Variants in KMT5B observed in about 807,000 individuals in gnomAD.
KMT5B encodes the protein histone-lysine N-methyltransferase KMT5B.
In KMT5B, 10 loss-of-function variants were observed where a neutral mutation model predicts 83.2. The ratio of observed to expected loss-of-function variants is 0.12; its 90% CI spans 0.07 to 0.20. The LOEUF is 0.20. KMT5B is among the 10% of genes least tolerant of loss of function. KMT5B has a pLI of 1.00. For synonymous variants in KMT5B, 349 were observed against 388.8 expected (o/e 0.90, Z 1.20); for missense variants, 753 against 1,067.2 (o/e 0.71, Z 4.10).
intron 6 of KMT5B, among the ~76,000 whole-genome samples, chr11:68,172,390 T>C (rs1278320287): frequency 1.3e-5 from 2 of 149,124 alleles, no homozygotes; most frequent in Non-Finnish European, 3.0e-5. Context: ...CCACCACACC[T>C]AGCTCATTTT....
At chr11:68,164,263 T>A (rs1309052354) in intron 10 of KMT5B, among the ~76,000 whole-genome samples, 1 of 152,230 alleles carries the variant, frequency 6.6e-6, no homozygotes, top group East Asian at 1.9e-4. Flanking sequence ...AACATTTTTT[T>A]ATACATGTGT....
chr11:68,193,129 G>C (rs1040756412), intron 1 of KMT5B, among the ~76,000 whole-genome samples: 6 of 152,138 alleles, frequency 3.9e-5, no homozygotes, highest in Non-Finnish European at 8.8e-5. Flanking sequence ...CAAAAATACA[G>C]AACTTCAGAG....
In KMT5B at chr11:68,155,917, A is replaced by T. The variant is rs549047438; in HGVS notation, c.*1771T>A. 1 of 152,254 alleles carries T rather than the reference A, an allele frequency of 6.6e-6. No individual in the cohort carries two copies. The highest frequency in any genetic ancestry group is 1.5e-5 in the Non-Finnish European group (1 of 68,046). The allele number at this position is 152,254 out of a possible 1,614,324, so 9.4% of individuals were successfully genotyped here. Reference sequence around the variant, plus strand: ...GGATGAGACTATGTAAGACTGCAGAAGTAGTTCCTTAGAGAACCAGGAGAA... The same window carrying T: ...GGATGAGACTATGTAAGACTGCAGATGTAGTTCCTTAGAGAACCAGGAGAA... On this transcript the variant is annotated 3_prime_UTR_variant, in exon 11 of 11. Coordinates refer to ENST00000304363, the MANE Select transcript of KMT5B (RefSeq NM_017635.5).
rs775740014 is a variant in KMT5B at position 68,164,669 on chromosome 11, T to C, written c.1174+2313A>G. On this transcript the variant is annotated intron_variant, in intron 10 of 10. Coordinates refer to ENST00000304363, the MANE Select transcript of KMT5B (RefSeq NM_017635.5). The stretch of plus-strand genomic sequence containing the variant: ...TTAGTCATACTGATCCTTGGATTGC[T>C]CCAATCATGCTGCAGAAAGGGAATT... 7.8e-6 allele frequency: 4 copies of C among 514,556 alleles called. No individual in the cohort carries two copies. In the East Asian group the frequency reaches 1.6e-4, roughly 21 times the overall value. 31.9% of individuals were successfully genotyped at this position (514,556 alleles called of 1,614,324 possible). A position where few individuals can be genotyped will look rare whatever the true frequency, so the allele number is the denominator to read the frequency against.
At chr11:68,196,482 CA>C (rs1189011291) in intron 1 of KMT5B, among the ~76,000 whole-genome samples, 1 of 148,282 alleles carries the variant, frequency 6.7e-6, no homozygotes, top group African/African-American at 2.5e-5. Flanking sequence ...GCACACAGTA[CA>C]TCCTAGAGGC....
intron 1 of KMT5B, among the ~76,000 whole-genome samples, chr11:68,209,138 T>C (rs1028121213): frequency 2.0e-5 from 3 of 152,178 alleles, no homozygotes; most frequent in Non-Finnish European, 4.4e-5. Context: ...AACATAAACA[T>C]TGCCTCGAAA....
intron 10 of KMT5B, among the ~76,000 whole-genome samples, chr11:68,161,513 C>G (rs138555041): frequency 7.6e-4 from 116 of 152,226 alleles, no homozygotes; most frequent in African/African-American, 2.7e-3. Context: ...ACACTCACAT[C>G]TATGTCATAT....
At position 68,158,075 on chromosome 11, in the gene KMT5B, G is replaced by C; in HGVS notation, c.2271C>G (p.Leu757=). 3 of 1,614,134 alleles carry C rather than the reference G, an allele frequency of 1.9e-6. No homozygotes were observed. The highest frequency in any genetic ancestry group is 2.5e-6 in the Non-Finnish European group (3 of 1,180,020). Residue 757 remains leucine, a synonymous_variant, in exon 11 of 11, where the codon CTC becomes CTG. Coordinates refer to ENST00000304363, the MANE Select transcript of KMT5B (RefSeq NM_017635.5). ...LSKDHDNDNN[L]YVAKLNNGFN... is the part of the protein sequence containing the mutation. ...ATCCATTATTAAGCTTTGCTACATA[G>C]AGATTGTTATCGTTGTCATGGTCTT...
At position 68,158,073 on chromosome 11, in the gene KMT5B, T is replaced by C. The variant is rs373728363; in HGVS notation, c.2273A>G (p.Tyr758Cys). Residue 758 changes from tyrosine (Y) to cysteine (C), a missense_variant, in exon 11 of 11, where the codon TAT becomes TGT. Physicochemically the swap from Tyr to Cys is radical, Grantham distance 194. Around this residue, in one of 9 missense-constraint regions of KMT5B, gnomAD observed 161 missense variants for 195.1 expected, o/e 0.83. Coordinates refer to ENST00000304363, the MANE Select transcript of KMT5B (RefSeq NM_017635.5). Reference sequence around the variant, plus strand: ...AAATCCATTATTAAGCTTTGCTACATAGAGATTGTTATCGTTGTCATGGTC... The same window carrying C: ...AAATCCATTATTAAGCTTTGCTACACAGAGATTGTTATCGTTGTCATGGTC... ...SKDHDNDNNL[Y>C]VAKLNNGFNS... 9 of 1,614,094 alleles carry C rather than the reference T, an allele frequency of 5.6e-6. No homozygotes were observed. The highest frequency in any genetic ancestry group is 1.7e-5 in the Admixed American group (1 of 60,008).
chr11:68,197,195 G>A (rs1203915351), intron 1 of KMT5B, among the ~76,000 whole-genome samples: 2 of 152,048 alleles, frequency 1.3e-5, no homozygotes, highest in Non-Finnish European at 2.9e-5. Flanking sequence ...GGATAGTCTC[G>A]ATCTCCTGAC....
chr11:68,199,935 C>T (rs939836693), intron 1 of KMT5B, among the ~76,000 whole-genome samples: 3 of 152,168 alleles, frequency 2.0e-5, no homozygotes, highest in African/African-American at 4.8e-5. Flanking sequence ...GTGACAAAGA[C>T]TATAGGAAGA....
At chr11:68,162,291 C>G (rs762766423) in intron 10 of KMT5B, among the ~76,000 whole-genome samples, 1 of 152,202 alleles carries the variant, frequency 6.6e-6, no homozygotes, top group African/African-American at 2.4e-5. Flanking sequence ...ACCTAATGCC[C>G]TAAGAATGAA....
intron 1 of KMT5B, among the ~76,000 whole-genome samples, chr11:68,190,651 AAAAT>A (rs1405687957): frequency 1.3e-5 from 2 of 152,240 alleles, no homozygotes; most frequent in Non-Finnish European, 2.9e-5. Context: ...AAAAGTTAAA[AAAAT>A]AAAAGTAGGA....
At chr11:68,209,266 T>TA (rs1220625349) in intron 1 of KMT5B, among the ~76,000 whole-genome samples, 2 of 152,170 alleles carry the variant, frequency 1.3e-5, no homozygotes, top group Non-Finnish European at 2.9e-5. Context: ...TCAACAAACT[T>TA]ATGAAGAACC....
chr11:68,176,416 T>C (rs1856382923), intron 4 of KMT5B: 1 of 152,246 alleles, frequency 6.6e-6, no homozygotes, highest in African/African-American at 2.4e-5. Flanking sequence ...TTCATGTCAA[T>C]TTCATAAAGC....
At chr11:68,186,070 CT>C (rs1857411190) in intron 2 of KMT5B, 142 bp from the exon 3 acceptor site, 2 of 742,418 alleles carry the variant, frequency 2.7e-6, no homozygotes, top group Non-Finnish European at 4.2e-6. Flanking sequence ...ATTTAATAAC[CT>C]TTGCATAAGA....
At chr11:68,166,681 G>A in intron 10 of KMT5B, 2 of 1,161,316 alleles carry the variant, frequency 1.7e-6, no homozygotes, top group Non-Finnish European at 2.1e-6. Context: ...CATCATCACA[G>A]TCTCTAACAC....
upstream of KMT5B, chr11:68,213,409 CGCGCCCCCGGCCTCGGCTCGCT>C (rs1451177341): frequency 5.5e-5 from 8 of 146,480 alleles, no homozygotes; most frequent in Admixed American, 4.8e-4. Context: ...TCGCGCCCCC[CGCGCCCCCGGCCTCGGCTCGCT>C]GCGCCCCCGG....
At chr11:68,207,854 T>C (rs1860350596) in intron 1 of KMT5B, among the ~76,000 whole-genome samples, 1 of 151,362 alleles carries the variant, frequency 6.6e-6, no homozygotes, top group Non-Finnish European at 1.5e-5. Flanking sequence ...ATTTTTTATT[T>C]TTTTAGACGC....
Sources: allele counts gnomAD v4.1 joint callset (sites outside exome capture counted in the v4.1 genomes callset), GRCh38; gene constraint gnomAD v4.1.1; regional missense constraint gnomAD v4.1.1; transcripts MANE v1.5; gene names NCBI Gene and HGNC (gene_info 2026-07-23, HGNC 2026-07-21).